MYCBP2: variants seen among roughly 807,000 people sequenced by gnomAD.
MYCBP2 encodes the protein E3 ubiquitin-protein ligase MYCBP2.
In MYCBP2, 120 loss-of-function variants were observed where a neutral mutation model predicts 525.3. The ratio of observed to expected loss-of-function variants is 0.23; its 90% CI spans 0.20 to 0.27. The LOEUF is 0.27. Among genes scored for constraint, MYCBP2 ranks in the 10% least tolerant of loss-of-function variants. MYCBP2 has a pLI of 1.00. For missense variants in MYCBP2, 4,149 were observed against 5,657.1 expected, an observed-to-expected ratio of 0.73 and a Z score of 8.55; for synonymous variants, 1,894 against 1,955.8, an observed-to-expected ratio of 0.97 and a Z score of 0.83.
chr13:77,096,197 C>A, intron 57 of MYCBP2, 115 bp downstream of exon 57: 2 of 1,058,080 alleles, frequency 1.9e-6, no homozygotes, highest in East Asian at 2.6e-5. Context: ...ATTATAAAAG[C>A]TGATCTTTTA....
At chr13:77,318,853 T>C (rs4885453) in intron 1 of MYCBP2, among the ~76,000 whole-genome samples, 110,537 of 152,086 alleles carry the variant, frequency 0.73, 41,539 homozygotes, top group Middle Eastern at 0.84. Context: ...AGACTGAACA[T>C]GCCACCCTCC....
chr13:77,283,522 T>A (rs960269662), intron 3 of MYCBP2, among the ~76,000 whole-genome samples: 1 of 152,146 alleles, frequency 6.6e-6, no homozygotes, highest in Non-Finnish European at 1.5e-5. Flanking sequence ...TGATCCTAGG[T>A]AAGTCTAAAT....
At chr13:77,060,894 T>A (rs1354845857) in intron 76 of MYCBP2, among the ~76,000 whole-genome samples, 1 of 152,174 alleles carries the variant, frequency 6.6e-6, no homozygotes, top group East Asian at 1.9e-4. Context: ...TTAGTTGTGA[T>A]CCTCTCACTT....
intron 30 of MYCBP2, among the ~76,000 whole-genome samples, chr13:77,187,923 T>C (rs549272474): frequency 6.6e-6 from 1 of 151,872 alleles, no homozygotes; most frequent in South Asian, 2.1e-4. Flanking sequence ...ATACAAAAAT[T>C]AGCTGGGCGT....
At chr13:77,254,196 A>C (rs2071740451) in intron 14 of MYCBP2, among the ~76,000 whole-genome samples, 1 of 151,978 alleles carries the variant, frequency 6.6e-6, no homozygotes, top group Non-Finnish European at 1.5e-5. Flanking sequence ...TATGTGTAAA[A>C]CAGACATCAT....
At chr13:77,240,323 A>G (rs2068623209) in intron 17 of MYCBP2, among the ~76,000 whole-genome samples, 1 of 152,184 alleles carries the variant, frequency 6.6e-6, no homozygotes, top group African/African-American at 2.4e-5. Context: ...TTAAAATAAA[A>G]TAGGTTGGGC....
intron 1 of MYCBP2, among the ~76,000 whole-genome samples, chr13:77,312,716 A>T (rs2080417191): frequency 2.0e-5 from 3 of 152,010 alleles, no homozygotes; most frequent in Non-Finnish European, 4.4e-5. Context: ...GAAGACAATA[A>T]AGTGGCAGAC....
chr13:77,235,099 T>A (rs2067712742), intron 17 of MYCBP2, among the ~76,000 whole-genome samples: 1 of 152,052 alleles, frequency 6.6e-6, no homozygotes, highest in African/African-American at 2.4e-5. Context: ...ATTCACCAAA[T>A]TTTCTGATTA....
chr13:77,230,921 C>T (rs953233441), intron 18 of MYCBP2, among the ~76,000 whole-genome samples: 1 of 151,986 alleles, frequency 6.6e-6, no homozygotes, highest in Non-Finnish European at 1.5e-5. Context: ...TGGAGCATTT[C>T]GAATTTTCAA....
chr13:77,055,605 A>C lies in MYCBP2; in HGVS notation c.13600T>G (p.Tyr4534Asp), dbSNP rs1475169627. 6.2e-7 allele frequency: 1 copy of C among 1,614,104 alleles called. No homozygotes were observed. Among genetic ancestry groups the C allele is most frequent in the Non-Finnish European group, 8.5e-7 (1 of 1,180,000 alleles). The change falls in exon 80 of 83, where the codon TAT (tyrosine) becomes GAT (aspartate). Residue 4534 changes from tyrosine (Y) to aspartate (D), a missense_variant. This residue lies in a region of MYCBP2 where 220 missense variants were observed against 396.0 expected (regional missense o/e 0.56). Coordinates refer to ENST00000544440, the MANE Select transcript of MYCBP2 (RefSeq NM_015057.5). Reference sequence around the variant, plus strand: ...TAATATGCATATCTATTCATTGCATAGCCAGCTGGGTCATTATAAAACCTC... The same window carrying C: ...TAATATGCATATCTATTCATTGCATCGCCAGCTGGGTCATTATAAAACCTC... Reference protein sequence around the residue: ...GVRFYNDPAGYAMNRYAYYVC... With the variant: ...GVRFYNDPAGDAMNRYAYYVC...
At chr13:77,065,925 AGAGTAAGCTGTTTT>A in intron 72 of MYCBP2, 53 bp downstream of exon 72, 1 of 1,108,454 alleles carries the variant, frequency 9.0e-7, no homozygotes, top group Non-Finnish European at 1.3e-6. Context: ...TCAATTCAGC[AGAGTAAGCTGTTTT>A]GTGTCAGCTT....
chr13:77,158,077 C>G lies in MYCBP2; in HGVS notation c.6630G>C (p.Lys2210Asn), dbSNP rs911263512. Residue 2210 changes from lysine to asparagine, a missense_variant, in exon 45 of 83, where the codon AAG becomes AAC. Coordinates refer to ENST00000544440, the MANE Select transcript of MYCBP2 (RefSeq NM_015057.5). ...VCKTHSGILG[K>N]GLALSHSPTI... The stretch of plus-strand genomic sequence containing the variant: ...TTGGTGAATGAGAAAGAGCTAGACC[C>G]TTTCCAAGAATTCCAGAATGGGTTT... 10 of 1,598,662 alleles carry G rather than the reference C, an allele frequency of 6.3e-6. No individual in the cohort carries two copies. The highest frequency in any genetic ancestry group is 1.7e-5 in the Admixed American group (1 of 57,342).
chr13:77,218,537 C>A (rs2065123619), intron 20 of MYCBP2, among the ~76,000 whole-genome samples: 1 of 152,122 alleles, frequency 6.6e-6, no homozygotes, highest in African/African-American at 2.4e-5. Context: ...AATAATAATG[C>A]GACCAGACTT....
chr13:77,085,190 C>A (rs903521998), intron 62 of MYCBP2, among the ~76,000 whole-genome samples: 1 of 151,878 alleles, frequency 6.6e-6, no homozygotes, highest in African/African-American at 2.4e-5. Flanking sequence ...TGTTATAATT[C>A]TTCTTTGATG....
At chr13:77,093,049 G>A (rs2045696612) in intron 59 of MYCBP2, 116 bp downstream of exon 59, 2 of 1,001,646 alleles carry the variant, frequency 2.0e-6, no homozygotes. Flanking sequence ...TGCTCCAGCA[G>A]TTAGCAAAAC....
intron 44 of MYCBP2, among the ~76,000 whole-genome samples, chr13:77,158,398 C>T (rs2057468972): frequency 6.6e-6 from 1 of 152,088 alleles, no homozygotes; most frequent in Non-Finnish European, 1.5e-5. Flanking sequence ...TATGTTATGT[C>T]CTCATTTTTC....
chr13:77,268,452 G>C (rs2074399010), intron 7 of MYCBP2, among the ~76,000 whole-genome samples: 1 of 152,144 alleles, frequency 6.6e-6, no homozygotes, highest in Admixed American at 6.5e-5. Context: ...CAATTTTTAA[G>C]AGACAATTAC....
intron 18 of MYCBP2, among the ~76,000 whole-genome samples, chr13:77,228,193 C>G (rs1375273746): frequency 6.6e-6 from 1 of 152,030 alleles, no homozygotes; most frequent in African/African-American, 2.4e-5. Context: ...CAAGAACCAG[C>G]AAGTGAATTC....
chr13:77,134,055 C>T (rs1236479329), intron 52 of MYCBP2, among the ~76,000 whole-genome samples: 1 of 151,902 alleles, frequency 6.6e-6, no homozygotes, highest in Non-Finnish European at 1.5e-5. Flanking sequence ...CAAATATTTA[C>T]TAAATGAGCA....
Sources: allele counts gnomAD v4.1 joint callset (sites outside exome capture counted in the v4.1 genomes callset), GRCh38; gene constraint gnomAD v4.1.1; regional missense constraint gnomAD v4.1.1; transcripts MANE v1.5; gene names NCBI Gene and HGNC (gene_info 2026-07-23, HGNC 2026-07-21).